ZNF831: variants seen among roughly 807,000 people sequenced by gnomAD.
ZNF831 encodes the protein chromosome 20 open reading frame 174.
In ZNF831, 59 loss-of-function variants were observed where a neutral mutation model predicts 95.8. That is an observed-to-expected ratio of 0.62 (90% CI 0.50 to 0.77). The LOEUF is 0.77. Ranked by LOEUF, ZNF831 falls within the 30% of genes least tolerant of loss-of-function variation. The probability of loss-of-function intolerance (pLI) is 0.00; values close to 1 mark genes in which losing one functional copy is unlikely to be tolerated. For missense variants in ZNF831, 2,205 were observed against 2,164.0 expected (o/e 1.02, Z -0.38); for synonymous variants, 961 against 925.5 (o/e 1.04, Z -0.70).
chr20:59,153,502 C>T (rs866579311), intron 2 of ZNF831, among the ~76,000 whole-genome samples: 2 of 152,332 alleles, frequency 1.3e-5, no homozygotes, highest in African/African-American at 2.4e-5. Flanking sequence ...CAGGGCCAAG[C>T]GCTTATTCGT....
rs373937130 is a variant in ZNF831, at chr20:59,212,285, G to A, written c.4027+5229G>A. ...ATCATTTGAATTAACAGATGGCTTG[G>A]CAGTGAAGTCATCTGTAAGCAGAAG... is the stretch of plus-strand genomic sequence containing the variant. On this transcript the variant is annotated intron_variant, in intron 4 of 5. Transcript: ENST00000371030. 1.1e-3 allele frequency among the ~76,000 whole-genome samples: 162 copies of A among 152,212 alleles called. 5 individuals are homozygous for A. The South Asian group carries it at 0.032, about 30-fold the overall frequency.
chr20:59,191,535 C>A lies in ZNF831; in HGVS notation c.516C>A (p.Phe172Leu), dbSNP rs2146549234. 6.2e-7 allele frequency: 1 copy of A among 1,613,166 alleles called. No individual in the cohort carries two copies. The highest frequency in any genetic ancestry group is 1.1e-5 in the South Asian group (1 of 91,086). The stretch of plus-strand genomic sequence containing the variant: ...GGTCCCACACGGGTGAGAGGCCCTT[C>A]CCGTGTGCCACCTGCGGCATCGCCT... ...HIRSHTGERPFPCATCGIAFK... is the reference protein window; with the variant it reads ...HIRSHTGERPLPCATCGIAFK... Residue 172 changes from phenylalanine to leucine, a missense_variant, in exon 2 of 6, where the codon TTC (phenylalanine) becomes TTA (leucine). Coordinates refer to ENST00000371030, the MANE Select transcript of ZNF831 (RefSeq NM_178457.3).
At chr20:59,188,903 G>A (rs1301501534) in intron 1 of ZNF831, among the ~76,000 whole-genome samples, 2 of 152,058 alleles carry the variant, frequency 1.3e-5, no homozygotes, top group Non-Finnish European at 2.9e-5. Flanking sequence ...CATTGCAGCC[G>A]GGTGTGGTGG....
intron 1 of ZNF831, among the ~76,000 whole-genome samples, chr20:59,126,598 C>A (rs190777610): frequency 6.6e-6 from 1 of 152,346 alleles, no homozygotes; most frequent in East Asian, 1.9e-4. Context: ...TGCCTGCTCC[C>A]GTCTCCAGCT....
intron 4 of ZNF831, among the ~76,000 whole-genome samples, chr20:59,241,532 CAT>C (rs1279372696): frequency 6.6e-6 from 1 of 152,078 alleles, no homozygotes; most frequent in Non-Finnish European, 1.5e-5. Flanking sequence ...TTATAAGAAA[CAT>C]ATATAAGAAA....
intron 2 of ZNF831, among the ~76,000 whole-genome samples, chr20:59,195,150 A>T (rs1983988983): frequency 6.6e-6 from 1 of 152,166 alleles, no homozygotes; most frequent in African/African-American, 2.4e-5. Flanking sequence ...AATAATTGAG[A>T]GAGTCTTTAT....
rs140054723 is a variant in ZNF831, at chr20:59,205,500, G to A, written c.3876-1405G>A. The stretch of plus-strand genomic sequence containing the variant: ...GGAGCTTCTCCCAAACACAGAGGCC[G>A]GAAAAGATGAACAAAATGTCACTTT... On this transcript the variant is annotated intron_variant, in intron 3 of 5. Transcript: ENST00000371030. Among the ~76,000 whole-genome samples the A allele has an allele frequency of 8.7e-4, 133 of 152,314 alleles. 1 individual carries two copies. Among genetic ancestry groups the A allele is most frequent in the Non-Finnish European group, 2.1e-4 (14 of 68,026 alleles).
rs1983704279 is a variant in ZNF831, at chr20:59,192,739, C to T, written c.1720C>T (p.Pro574Ser). 6.2e-7 allele frequency: 1 copy of T among 1,610,706 alleles called. No homozygotes were observed. The highest frequency in any genetic ancestry group is 8.5e-7 in the Non-Finnish European group (1 of 1,179,130). Residue 574 changes from proline (P) to serine (S), a missense_variant, in exon 2 of 6, where the codon CCC becomes TCC. Pro to Ser is a moderately conservative substitution (Grantham distance 74). Transcript: ENST00000371030. The surrounding 1 kb of genome is among the most constrained non-coding windows in gnomAD (Gnocchi z 5.2). ...CGCGGTGGAGGACCTGCCAGGCACC[C>T]CCATTGGCGATGCCCTGGTGCCCGC... is the stretch of plus-strand genomic sequence containing the variant. ...QAAVEDLPGT[P>S]IGDALVPAED...
At chr20:59,244,574 T>C (rs1265258233) in intron 4 of ZNF831, among the ~76,000 whole-genome samples, 1 of 152,216 alleles carries the variant, frequency 6.6e-6, no homozygotes, top group Non-Finnish European at 1.5e-5. Context: ...AAAGTAGCAT[T>C]GACTTATCCA....
At chr20:59,213,012 C>A (rs1251278952) in intron 4 of ZNF831, among the ~76,000 whole-genome samples, 1 of 152,152 alleles carries the variant, frequency 6.6e-6, no homozygotes, top group Non-Finnish European at 1.5e-5. Flanking sequence ...GACAAATGAA[C>A]AAGAGAAAAG....
intron 1 of ZNF831, among the ~76,000 whole-genome samples, chr20:59,133,462 A>G (rs1327886520): frequency 6.6e-6 from 1 of 152,248 alleles, no homozygotes; most frequent in Non-Finnish European, 1.5e-5. Flanking sequence ...GTGATAATTT[A>G]AAGCAATGTA....
At chr20:59,222,958 C>G (rs955508882) in intron 4 of ZNF831, among the ~76,000 whole-genome samples, 23 of 152,182 alleles carry the variant, frequency 1.5e-4, no homozygotes, top group African/African-American at 5.1e-4. Flanking sequence ...GCTGGGACCC[C>G]CCGCTGAGCA....
intron 4 of ZNF831, among the ~76,000 whole-genome samples, chr20:59,246,178 G>C (rs1005998617): frequency 1.3e-5 from 2 of 151,950 alleles, no homozygotes; most frequent in African/African-American, 4.8e-5. Context: ...GCCAGGGATG[G>C]GTCTGGGGGT....
In ZNF831 at chr20:59,193,326, AG is replaced by A; in HGVS notation, c.2312del (p.Gly771ValfsTer3). The A allele has an allele frequency of 6.2e-7, 1 of 1,613,180 alleles. No individual in the cohort carries two copies. The highest frequency in any genetic ancestry group is 8.5e-7 in the Non-Finnish European group (1 of 1,179,614). ...QMPPAPGPLKGGDVEAPRPVW... is the reference protein window; with the variant it reads ...QMPPAPGPLKXGDVEAPRPVW... ...TGCCCCCAGCACCTGGCCCCCTCAA[AG>A]GGGGTGATGTAGAGGCTCCCAGGCC... On this transcript the variant is annotated frameshift_variant, in exon 2 of 6. Coordinates refer to ENST00000371030, the MANE Select transcript of ZNF831 (RefSeq NM_178457.3). LOFTEE classifies it high-confidence loss of function.
chr20:59,243,939 A>G (rs1317951744), intron 4 of ZNF831, among the ~76,000 whole-genome samples: 2 of 151,442 alleles, frequency 1.3e-5, no homozygotes, highest in Non-Finnish European at 2.9e-5. Context: ...AATATTAACA[A>G]TTTTTTTTTC....
At chr20:59,210,969 C>T (rs552225520) in intron 4 of ZNF831, among the ~76,000 whole-genome samples, 12 of 82,024 alleles carry the variant, frequency 1.5e-4, no homozygotes, top group Admixed American at 3.6e-4. Flanking sequence ...GGAGGCGGAG[C>T]TTGCAGTGAG....
chr20:59,188,656 CAATA>C (rs57692294), intron 1 of ZNF831, among the ~76,000 whole-genome samples: 5,377 of 149,306 alleles, frequency 0.036, 347 homozygotes, highest in African/African-American at 0.13. Context: ...GACTCCATCT[CAATA>C]AATAAATAAA....
chr20:59,204,584 A>T (rs1984751314), intron 3 of ZNF831, among the ~76,000 whole-genome samples: 1 of 152,146 alleles, frequency 6.6e-6, no homozygotes, highest in African/African-American at 2.4e-5. Context: ...AGCACGTCAG[A>T]TCTCATAGTT....
At chr20:59,196,092 GAA>G in intron 3 of ZNF831, 87 bp downstream of exon 3, 5 of 1,524,848 alleles carry the variant, frequency 3.3e-6, no homozygotes, top group Non-Finnish European at 4.4e-6. Flanking sequence ...GTGCTCCAGA[GAA>G]AGAGTTCCTG....
Sources: gnomAD v4.1 joint callset for allele counts (sites outside exome capture counted in the v4.1 genomes callset) on GRCh38, gnomAD v4.1.1 for gene constraint, Gnocchi (gnomAD v3.1) non-coding constraint, MANE v1.5 for transcripts, NCBI Gene and HGNC (gene_info 2026-07-23, HGNC 2026-07-21) for gene names.